RAD54B: variants seen among roughly 807,000 people sequenced by gnomAD.
The protein encoded by RAD54B is RAD54 homolog B, also known as DNA repair and recombination protein RAD54B.
Under a neutral mutation model 95.8 loss-of-function variants are expected in RAD54B, and 78 were observed. The ratio of observed to expected loss-of-function variants is 0.81; its 90% CI spans 0.68 to 0.98. RAD54B has a LOEUF of 0.98. RAD54B is among the 50% of genes least tolerant of loss of function. RAD54B has a pLI of 0.00. For missense variants in RAD54B, 957 were observed against 1,056.6 expected, an observed-to-expected ratio of 0.91 and a Z score of 1.31; for synonymous variants, 328 against 354.9, an observed-to-expected ratio of 0.92 and a Z score of 0.85.
At position 94,437,642 on chromosome 8, in the gene RAD54B, G is replaced by A. The variant is rs180754621; in HGVS notation, c.304+20626C>T. Among the ~76,000 whole-genome samples the A allele has an allele frequency of 6.6e-5, 10 of 152,236 alleles. No homozygotes were observed. In the East Asian group the frequency reaches 1.2e-3, roughly 18 times the overall value. On this transcript the variant is annotated intron_variant, in intron 3 of 14. Transcript: ENST00000336148. ...TTTAAAGCAATGGATTATTCTAGCCGTAATGTATGTGAATTTGCTAGCCTG... is the reference window on the plus strand; with the variant it reads ...TTTAAAGCAATGGATTATTCTAGCCATAATGTATGTGAATTTGCTAGCCTG...
chr8:94,407,608 A>G lies in RAD54B; in HGVS notation c.612T>C (p.Ser204=), dbSNP rs113379835. The G allele has an allele frequency of 6.8e-6, 11 of 1,613,906 alleles. No individual in the cohort carries two copies. The highest frequency in any genetic ancestry group is 1.3e-5 in the African/African-American group (1 of 74,914). The stretch of plus-strand genomic sequence containing the variant: ...CTCCTCCAAGCTGAAAACACCTGCC[A>G]CTGCTGAAGTCATCTGGAGAGATTA... ...MGVISPDDFS[S]GRCFQLGGGS... Residue 204 remains serine (S), a synonymous_variant, in exon 5 of 15, where the codon AGT becomes AGC. Coordinates refer to ENST00000336148, the MANE Select transcript of RAD54B (RefSeq NM_012415.3).
chr8:94,451,642 A>G (rs371283804), intron 3 of RAD54B, among the ~76,000 whole-genome samples: 16 of 152,288 alleles, frequency 1.1e-4, no homozygotes, highest in African/African-American at 3.8e-4. Flanking sequence ...TTGATATACT[A>G]AGAACTATTT....
At chr8:94,386,881 CTTA>C (rs1160687088) in intron 11 of RAD54B, 100 bp downstream of exon 11, 1 of 811,462 alleles carries the variant, frequency 1.2e-6, no homozygotes, top group African/African-American at 1.8e-5. Flanking sequence ...AAGAAAATAA[CTTA>C]TTTTTAATGT....
In RAD54B at chr8:94,372,406, T is replaced by A; in HGVS notation, c.2516-19A>T. Reference sequence around the variant, plus strand: ...GAATCACCTGTAATAAGTAAAACAATGAGAAAATCCTTAGGCAAGCCAATA... The same window carrying A: ...GAATCACCTGTAATAAGTAAAACAAAGAGAAAATCCTTAGGCAAGCCAATA... On this transcript the variant is annotated intron_variant, in intron 14 of 14. Transcript: ENST00000336148. 1.2e-6 allele frequency: 2 copies of A among 1,608,464 alleles called. No individual in the cohort carries two copies. Among genetic ancestry groups the A allele is most frequent in the Non-Finnish European group, 1.7e-6 (2 of 1,179,026 alleles).
chr8:94,387,176 T>TTG lies in RAD54B; in HGVS notation c.1810-19_1810-18dup. ...TTCCTTTTCCTATTCAAAATGATGATTGTTAATGCTGGCTCAAGTTTGTTT... is the reference window on the plus strand; with the variant it reads ...TTCCTTTTCCTATTCAAAATGATGATTGTGTTAATGCTGGCTCAAGTTTGTTT... On this transcript the variant is annotated splice_polypyrimidine_tract_variant and intron_variant, in intron 10 of 14. Coordinates refer to ENST00000336148, the MANE Select transcript of RAD54B (RefSeq NM_012415.3). 6 of 1,534,586 alleles carry TTG rather than the reference T, an allele frequency of 3.9e-6. No individual in the cohort carries two copies. The highest frequency in any genetic ancestry group is 5.2e-6 in the Non-Finnish European group (6 of 1,143,172).
At chr8:94,398,109 G>C (rs1400773478) in intron 8 of RAD54B, among the ~76,000 whole-genome samples, 1 of 151,816 alleles carries the variant, frequency 6.6e-6, no homozygotes, top group Non-Finnish European at 1.5e-5. Flanking sequence ...CCTATTCTTT[G>C]GTTTCCACTT....
At chr8:94,467,077 C>T (rs1483886135) in intron 2 of RAD54B, among the ~76,000 whole-genome samples, 2 of 152,056 alleles carry the variant, frequency 1.3e-5, no homozygotes, top group African/African-American at 4.8e-5. Context: ...TCCAGGTGCA[C>T]ACCACCACAC....
intron 3 of RAD54B, among the ~76,000 whole-genome samples, chr8:94,449,048 G>GCGCA (rs1554609415): frequency 3.3e-5 from 5 of 150,174 alleles, no homozygotes; most frequent in East Asian, 2.0e-4. Flanking sequence ...ACACATGCAT[G>GCGCA]CACACACACA....
intron 6 of RAD54B, among the ~76,000 whole-genome samples, chr8:94,402,443 G>A (rs558813830): frequency 2.0e-5 from 3 of 151,954 alleles, no homozygotes; most frequent in South Asian, 2.1e-4. Flanking sequence ...TAGTAGAGAC[G>A]GGATTTCACC....
At chr8:94,383,969 A>C (rs1810806351) in intron 11 of RAD54B, among the ~76,000 whole-genome samples, 2 of 152,194 alleles carry the variant, frequency 1.3e-5, no homozygotes, top group Admixed American at 1.3e-4. Context: ...GTATGGCAGT[A>C]CTTCAAAATA....
At chr8:94,406,865 T>C (rs1334162469) in intron 5 of RAD54B, among the ~76,000 whole-genome samples, 2 of 152,124 alleles carry the variant, frequency 1.3e-5, no homozygotes, top group Non-Finnish European at 2.9e-5. Context: ...AATCAAGAAA[T>C]ACCTGCTGAG....
At chr8:94,406,423 T>C (rs1811390037) in intron 5 of RAD54B, among the ~76,000 whole-genome samples, 1 of 152,188 alleles carries the variant, frequency 6.6e-6, no homozygotes, top group Middle Eastern at 3.2e-3. Context: ...ACAAAATATT[T>C]GGACAAAAAG....
At position 94,404,249 on chromosome 8, in the gene RAD54B, T is replaced by C; in HGVS notation, c.782-10A>G. The stretch of plus-strand genomic sequence containing the variant: ...GGCATAACGAGGGAATCTTAAAAAA[T>C]GATAAAAGTACAAGTATTGTAATTT... On this transcript the variant is annotated splice_polypyrimidine_tract_variant and intron_variant, in intron 5 of 14. Transcript: ENST00000336148. The C allele has an allele frequency of 6.3e-7, 1 of 1,580,946 alleles. No individual in the cohort carries two copies. The highest frequency in any genetic ancestry group is 8.6e-7 in the Non-Finnish European group (1 of 1,165,602).
intron 10 of RAD54B, among the ~76,000 whole-genome samples, chr8:94,387,697 A>G (rs1357661938): frequency 6.6e-6 from 1 of 152,232 alleles, no homozygotes; most frequent in Non-Finnish European, 1.5e-5. Context: ...ATTAACAGAG[A>G]AATTTATTCT....
At chr8:94,429,528 G>C in intron 3 of RAD54B, 5 of 984,416 alleles carry the variant, frequency 5.1e-6, no homozygotes, top group Non-Finnish European at 6.0e-6. Flanking sequence ...TTAGTAGCAT[G>C]CTGAAACTGT....
chr8:94,464,945 T>A (rs1349601743), intron 2 of RAD54B, among the ~76,000 whole-genome samples: 1 of 151,994 alleles, frequency 6.6e-6, no homozygotes, highest in Non-Finnish European at 1.5e-5. Flanking sequence ...AACAACCAGA[T>A]ATCATGTGGA....
rs527611596 is a variant in RAD54B, at chr8:94,399,486, A to G, written c.1306T>C (p.Leu436=). Residue 436 remains leucine, a synonymous_variant, in exon 8 of 15, where the codon TTG becomes CTG. Transcript: ENST00000336148. The part of the protein sequence containing the change: ...DLLICDEGHR[L]KNSAIKTTTA... ...GTTGTCTTAATGGCACTGTTCTTCA[A>G]ACGATGCCCCTCGTCACAGATTAGA... is the stretch of plus-strand genomic sequence containing the variant. 1 of 1,613,738 alleles carries G rather than the reference A, an allele frequency of 6.2e-7. No homozygotes were observed. Among genetic ancestry groups the G allele is most frequent in the East Asian group, 2.2e-5 (1 of 44,866 alleles).
At position 94,380,417 on chromosome 8, in the gene RAD54B, AAAAG is replaced by A. The variant is rs1463781928; in HGVS notation, c.1986-15_1986-12del. The A allele has an allele frequency of 6.4e-7, 1 of 1,568,870 alleles. No homozygotes were observed. The highest frequency in any genetic ancestry group is 8.6e-7 in the Non-Finnish European group (1 of 1,157,922). ...GATACCAACACCACCCTGTCAATCA[AAAAG>A]AAAGATTCTTTAGATAAATTTAAAG... On this transcript the variant is annotated splice_polypyrimidine_tract_variant and intron_variant, in intron 11 of 14. Coordinates refer to ENST00000336148, the MANE Select transcript of RAD54B (RefSeq NM_012415.3).
intron 2 of RAD54B, among the ~76,000 whole-genome samples, chr8:94,463,564 C>A (rs1812953567): frequency 6.6e-6 from 1 of 151,938 alleles, no homozygotes; most frequent in Admixed American, 6.6e-5. Flanking sequence ...AGCAATTCTA[C>A]TCCTAGGAAT....
Sources: allele counts gnomAD v4.1 joint callset (sites outside exome capture counted in the v4.1 genomes callset), GRCh38; gene constraint gnomAD v4.1.1; transcripts MANE v1.5; gene names NCBI Gene and HGNC (gene_info 2026-07-23, HGNC 2026-07-21).